Variants in KCTD1 observed in about 807,000 individuals in gnomAD.
The protein encoded by KCTD1 is BTB/POZ domain-containing protein KCTD1.
KCTD1 carries 24 observed loss-of-function variants against 66.0 expected under a neutral mutation model. The observed-to-expected ratio is 0.36, with a 90% CI of 0.26 to 0.51. KCTD1 has a LOEUF of 0.51. Ranked by LOEUF, KCTD1 falls within the 20% of genes least tolerant of loss-of-function variation. KCTD1 has a pLI of 0.95. For synonymous variants in KCTD1, 511 were observed against 517.2 expected, an observed-to-expected ratio of 0.99 and a Z score of 0.16; for missense variants, 943 against 1,205.2, an observed-to-expected ratio of 0.78 and a Z score of 3.22.
rs113377467 is a variant in KCTD1, at chr18:26,594,188, C to T, written c.-16+34959G>A. 4.1e-3 allele frequency among the ~76,000 whole-genome samples: 622 copies of T among 152,276 alleles called. 1 individual carries two copies. The highest frequency in any genetic ancestry group is 0.014 in the African/African-American group (584 of 41,558). On this transcript the variant is annotated intron_variant, in intron 1 of 4. Transcript: ENST00000317932. ...CCATGGTCTAGAAGGGTTGCTCCTT[C>T]CTCCTCCTGCTAGGGAAGGCTTAGG...
intron 1 of KCTD1, among the ~76,000 whole-genome samples, chr18:26,621,123 G>A (rs568325418): frequency 6.6e-6 from 1 of 152,334 alleles, no homozygotes; most frequent in Non-Finnish European, 1.5e-5. Context: ...GTGAGCCACC[G>A]TGCACGGCCG....
chr18:26,484,991 G>A (rs559199659), intron 2 of KCTD1, among the ~76,000 whole-genome samples: 4 of 152,234 alleles, frequency 2.6e-5, no homozygotes, highest in African/African-American at 4.8e-5. Context: ...AGATAAGGGC[G>A]CCATTATTCA....
intron 1 of KCTD1, among the ~76,000 whole-genome samples, chr18:26,586,501 T>C (rs1986475466): frequency 1.3e-5 from 2 of 152,124 alleles, no homozygotes; most frequent in South Asian, 4.1e-4. Context: ...GGTCTCTAAG[T>C]GTTCAAGTAA....
chr18:26,509,256 G>A (rs1159397107), intron 1 of KCTD1, among the ~76,000 whole-genome samples: 1 of 151,904 alleles, frequency 6.6e-6, no homozygotes, highest in African/African-American at 2.4e-5. Flanking sequence ...GACCATTTGG[G>A]AAACAGCAAA....
intron 2 of KCTD1, among the ~76,000 whole-genome samples, chr18:26,486,297 A>T (rs1981916325): frequency 6.6e-6 from 1 of 152,216 alleles, no homozygotes; most frequent in South Asian, 2.1e-4. Flanking sequence ...TAACTTGCCA[A>T]GGGTTTCTGA....
intron 1 of KCTD1, among the ~76,000 whole-genome samples, chr18:26,603,476 C>T (rs1454832141): frequency 6.6e-6 from 1 of 150,958 alleles, no homozygotes; most frequent in Non-Finnish European, 1.5e-5. Context: ...TACTATGGCT[C>T]ATGCCTGTAA....
chr18:26,458,103 C>A (rs7240113), intron 4 of KCTD1: 21,002 of 152,260 alleles, frequency 0.14, 1,647 homozygotes, highest in Non-Finnish European at 0.16. Flanking sequence ...CAGGGCCATG[C>A]GGGAGCACCA....
chr18:26,599,616 G>T, intron 1 of KCTD1: 1 of 1,466,876 alleles, frequency 6.8e-7, no homozygotes, highest in Non-Finnish European at 9.6e-7. Context: ...GTCCCGGGAA[G>T]CACCACTCTG....
In KCTD1 at chr18:26,514,549, C is replaced by CAAAAAAA. The variant is rs200444964; in HGVS notation, c.1810-13306_1810-13300dup. Among the ~76,000 whole-genome samples the CAAAAAAA allele has an allele frequency of 2.0e-4, 24 of 121,788 alleles. 1 individual carries two copies. Among genetic ancestry groups the CAAAAAAA allele is most frequent in the African/African-American group, 3.6e-4 (13 of 35,684 alleles). 79.9% of individuals were successfully genotyped at this position (121,788 alleles called of 152,430 possible). A position where few individuals can be genotyped will look rare whatever the true frequency, so the allele number is the denominator to read the frequency against. ...CAGGCAACAGAGTGAGACCTTGTCTCAAAAAAAAAAAAAAAAAAAAAAGAA... is the reference window on the plus strand; with the variant it reads ...CAGGCAACAGAGTGAGACCTTGTCTCAAAAAAAAAAAAAAAAAAAAAAAAAAAAAGAA... On this transcript the variant is annotated intron_variant, in intron 1 of 4. Transcript: ENST00000580059.
chr18:26,458,820 CTT>C (rs1327092913), intron 4 of KCTD1: 4 of 152,258 alleles, frequency 2.6e-5, no homozygotes, highest in Non-Finnish European at 4.4e-5. Flanking sequence ...CAACTGGACA[CTT>C]TTCAGCTGCT....
At chr18:26,492,442 T>A (rs1033876083) in intron 2 of KCTD1, among the ~76,000 whole-genome samples, 2 of 152,008 alleles carry the variant, frequency 1.3e-5, no homozygotes, top group African/African-American at 4.8e-5. Flanking sequence ...AAGACCAGCC[T>A]GGGCAACATG....
intron 1 of KCTD1, among the ~76,000 whole-genome samples, chr18:26,648,030 G>C (rs1987962911): frequency 1.3e-5 from 2 of 151,998 alleles, no homozygotes; most frequent in Admixed American, 1.3e-4. Flanking sequence ...ATTTTTAGTA[G>C]AGACGGGGTT....
At position 26,455,641 on chromosome 18, in the gene KCTD1, G is replaced by C. The variant is rs1312987753; in HGVS notation, c.*102C>G. 7 of 1,450,636 alleles carry C rather than the reference G, an allele frequency of 4.8e-6. No individual in the cohort carries two copies. In the African/African-American group the frequency reaches 1.0e-4, roughly 21 times the overall value. The allele number at this position is 1,450,636 out of a possible 1,614,324, so 89.9% of individuals were successfully genotyped here. A position where few individuals can be genotyped will look rare whatever the true frequency, so the allele number is the denominator to read the frequency against. On this transcript the variant is annotated 3_prime_UTR_variant, in exon 5 of 5. Transcript: ENST00000580059. Reference sequence around the variant, plus strand: ...AAATGTGTCTTTTATTCGATTTTACGTCCAGGACTTGGTTTGCTGTCCCAA... The same window carrying C: ...AAATGTGTCTTTTATTCGATTTTACCTCCAGGACTTGGTTTGCTGTCCCAA...
Position 26,476,683 on chromosome 18 carries a change from T to A in KCTD1, c.1989-24A>T. The A allele has an allele frequency of 6.2e-7, 1 of 1,607,134 alleles. No individual in the cohort carries two copies. The highest frequency in any genetic ancestry group is 1.1e-5 in the South Asian group (1 of 89,748). On this transcript the variant is annotated intron_variant, in intron 2 of 4. Transcript: ENST00000580059. The surrounding 1 kb of genome is among the most constrained non-coding windows in gnomAD (Gnocchi z 4.9). ...TTCTGTGATAGAAAAGAGGGAACAGTGAAGACAATTAGATCAATTGTTCGG... is the reference window on the plus strand; with the variant it reads ...TTCTGTGATAGAAAAGAGGGAACAGAGAAGACAATTAGATCAATTGTTCGG...
At chr18:26,599,810 C>T (rs1986848218) in intron 1 of KCTD1, 1 of 1,560,706 alleles carries the variant, frequency 6.4e-7, no homozygotes, top group African/African-American at 1.4e-5. Context: ...GAGCCCCTAA[C>T]CCCTGAGGAA....
chr18:26,598,471 T>TACACACAC (rs4041522), intron 1 of KCTD1, among the ~76,000 whole-genome samples: 48,185 of 149,528 alleles, frequency 0.32, 7,618 homozygotes, highest in Middle Eastern at 0.34. Context: ...TCTCTTTTTT[T>TACACACAC]ACACACACAC....
intron 1 of KCTD1, among the ~76,000 whole-genome samples, chr18:26,541,949 T>C (rs1338837397): frequency 6.6e-6 from 1 of 152,154 alleles, no homozygotes; most frequent in Non-Finnish European, 1.5e-5. Flanking sequence ...AAGAACTTTA[T>C]AGGGCCCAAA....
At chr18:26,462,238 T>C (rs73944606) in intron 3 of KCTD1, among the ~76,000 whole-genome samples, 5,067 of 152,302 alleles carry the variant, frequency 0.033, 280 homozygotes, top group African/African-American at 0.12. Context: ...CCTTTTCAGA[T>C]TTTTGGCCCT....
At chr18:26,623,159 C>T (rs1054997961) in intron 1 of KCTD1, among the ~76,000 whole-genome samples, 6 of 152,194 alleles carry the variant, frequency 3.9e-5, no homozygotes, top group Non-Finnish European at 8.8e-5. Flanking sequence ...CCCTCCTACC[C>T]ACTACCCGCC....
Sources: gnomAD v4.1 joint callset for allele counts (sites outside exome capture counted in the v4.1 genomes callset) on GRCh38, gnomAD v4.1.1 for gene constraint, Gnocchi (gnomAD v3.1) non-coding constraint, MANE v1.5 for transcripts, NCBI Gene and HGNC (gene_info 2026-07-23, HGNC 2026-07-21) for gene names.